The following RAI14 variants were observed in gnomAD, a reference collection of about 807,000 sequenced individuals.
RAI14 encodes ankycorbin.
Under a neutral mutation model 115.4 loss-of-function variants are expected in RAI14, and 45 were observed. The observed-to-expected ratio is 0.39, with a 90% CI of 0.31 to 0.50. The LOEUF (loss-of-function observed/expected upper bound fraction) is 0.50. Among genes scored for constraint, RAI14 ranks in the 20% least tolerant of loss-of-function variants. The probability of loss-of-function intolerance (pLI) is 0.85; values close to 1 mark genes in which losing one functional copy is unlikely to be tolerated. For missense variants in RAI14, 939 were observed against 1,131.2 expected, an observed-to-expected ratio of 0.83 and a Z score of 2.44; for synonymous variants, 371 against 415.4, an observed-to-expected ratio of 0.89 and a Z score of 1.30.
At chr5:34,792,235 C>CTTTTTTTTTTTT (rs55986330) in intron 3 of RAI14, among the ~76,000 whole-genome samples, 1 of 127,480 alleles carries the variant, frequency 7.8e-6, no homozygotes, top group Non-Finnish European at 1.6e-5. Flanking sequence ...TTTCTTTTTT[C>CTTTTTTTTTTTT]TTTTTTTTTT....
chr5:34,740,376 G>A (rs913326305), intron 2 of RAI14, among the ~76,000 whole-genome samples: 2 of 152,130 alleles, frequency 1.3e-5, no homozygotes, highest in African/African-American at 2.4e-5. Flanking sequence ...CCTGCTTTTG[G>A]TGATTTGTGT....
chr5:34,770,752 G>A (rs2150130392), intron 3 of RAI14, among the ~76,000 whole-genome samples: 1 of 152,286 alleles, frequency 6.6e-6, no homozygotes, highest in Middle Eastern at 3.4e-3. Context: ...GGTCAAAAGG[G>A]AGCCAGGACA....
At chr5:34,747,186 C>A (rs1447365228) in intron 2 of RAI14, among the ~76,000 whole-genome samples, 1 of 152,206 alleles carries the variant, frequency 6.6e-6, no homozygotes, top group Non-Finnish European at 1.5e-5. Context: ...AGAGAACCAA[C>A]TATATTGTAA....
At chr5:34,716,610 G>A (rs1166261646) in intron 2 of RAI14, among the ~76,000 whole-genome samples, 2 of 151,828 alleles carry the variant, frequency 1.3e-5, no homozygotes, top group Admixed American at 6.6e-5. Context: ...ACAGGGTTTC[G>A]CCATGTTGGT....
intron 2 of RAI14, among the ~76,000 whole-genome samples, chr5:34,727,547 A>G (rs1055909201): frequency 6.6e-6 from 1 of 152,112 alleles, no homozygotes; most frequent in Non-Finnish European, 1.5e-5. Flanking sequence ...AGGAGAATAA[A>G]ATGGTTTCCT....
chr5:34,809,962 C>T (rs575230943), intron 7 of RAI14, among the ~76,000 whole-genome samples: 1 of 152,210 alleles, frequency 6.6e-6, no homozygotes, highest in South Asian at 2.1e-4. Context: ...TGAGAACTGA[C>T]ATGCATACAC....
chr5:34,816,639 T>G (rs369560907), intron 12 of RAI14, among the ~76,000 whole-genome samples: 1 of 152,278 alleles, frequency 6.6e-6, no homozygotes, highest in East Asian at 1.9e-4. Context: ...TTACTTACTT[T>G]CCCTTATTTA....
intron 2 of RAI14, chr5:34,728,649 C>T (rs114326187): frequency 0.021 from 3,220 of 152,326 alleles, 49 homozygotes; most frequent in Non-Finnish European, 0.035. Flanking sequence ...GTCTCCCCAG[C>T]CATCTGGAAC....
chr5:34,767,415 C>G lies in RAI14; in HGVS notation c.167+9817C>G, dbSNP rs578192077. Reference sequence around the variant, plus strand: ...AACCCACAGCAGCGAGCGACCTGCACTCAGCCGCTATCACACTGGGGCTGC... The same window carrying G: ...AACCCACAGCAGCGAGCGACCTGCAGTCAGCCGCTATCACACTGGGGCTGC... On this transcript the variant is annotated intron_variant, in intron 3 of 17. Transcript: ENST00000265109. Among the ~76,000 whole-genome samples the G allele has an allele frequency of 2.9e-3, 438 of 152,262 alleles. 3 individuals carry two copies. Among genetic ancestry groups the G allele is most frequent in the African/African-American group, 0.01 (421 of 41,556 alleles).
At chr5:34,807,007 G>A (rs1754983441) in intron 5 of RAI14, among the ~76,000 whole-genome samples, 1 of 152,154 alleles carries the variant, frequency 6.6e-6, no homozygotes, top group Admixed American at 6.5e-5. Flanking sequence ...GTGTTGTTAG[G>A]GGACATAAAG....
chr5:34,708,650 G>A (rs889291971), intron 2 of RAI14, among the ~76,000 whole-genome samples: 3 of 152,108 alleles, frequency 2.0e-5, no homozygotes, highest in Non-Finnish European at 4.4e-5. Flanking sequence ...TATTCCATAG[G>A]TTGTGGGTAT....
intron 10 of RAI14, among the ~76,000 whole-genome samples, chr5:34,812,537 T>A (rs554595276): frequency 6.6e-6 from 1 of 152,080 alleles, no homozygotes; most frequent in South Asian, 2.1e-4. Flanking sequence ...TGGTGGTGCG[T>A]GCCTGTAATC....
At chr5:34,672,389 TG>T (rs981267794) in intron 1 of RAI14, among the ~76,000 whole-genome samples, 11 of 151,752 alleles carry the variant, frequency 7.2e-5, no homozygotes, top group South Asian at 2.1e-4. Context: ...GTGTGGGGTG[TG>T]GGGGGGGAGC....
At chr5:34,735,593 C>T (rs1254604712) in intron 2 of RAI14, among the ~76,000 whole-genome samples, 1 of 152,172 alleles carries the variant, frequency 6.6e-6, no homozygotes, top group Non-Finnish European at 1.5e-5. Context: ...CATAAATCTT[C>T]CAAGTAACTT....
chr5:34,768,495 C>T (rs537958714), intron 3 of RAI14, among the ~76,000 whole-genome samples: 6 of 152,028 alleles, frequency 3.9e-5, no homozygotes, highest in South Asian at 4.1e-4. Context: ...AGTAAATTTA[C>T]GAAGAGGGAA....
chr5:34,687,984 G>A, intron 2 of RAI14: 1 of 1,176,528 alleles, frequency 8.5e-7, no homozygotes. Context: ...GATGCTTATG[G>A]GATGATGGTA....
chr5:34,829,624 G>A (rs1465385764), intron 16 of RAI14, 108 bp from the exon 17 acceptor site: 1 of 805,258 alleles, frequency 1.2e-6, no homozygotes, highest in Non-Finnish European at 2.0e-6. Context: ...GCATAAAGTG[G>A]AGGGGACCAC....
At chr5:34,820,642 A>G (rs1286610336) in intron 13 of RAI14, among the ~76,000 whole-genome samples, 1 of 152,214 alleles carries the variant, frequency 6.6e-6, no homozygotes, top group Non-Finnish European at 1.5e-5. Flanking sequence ...AGTTTGGACC[A>G]GAAATTCACA....
At chr5:34,810,039 G>T (rs1755398714) in intron 7 of RAI14, among the ~76,000 whole-genome samples, 1 of 152,140 alleles carries the variant, frequency 6.6e-6, no homozygotes, top group South Asian at 2.1e-4. Flanking sequence ...ATTCCTTGAA[G>T]TTCAGTACTT....
Sources: allele counts gnomAD v4.1 joint callset (sites outside exome capture counted in the v4.1 genomes callset), GRCh38; gene constraint gnomAD v4.1.1; transcripts MANE v1.5; gene names NCBI Gene and HGNC (gene_info 2026-07-23, HGNC 2026-07-21).